The following FAM83D variants were observed in gnomAD, a reference collection of about 807,000 sequenced individuals.
FAM83D encodes the protein scaffolding CK1 anchoring protein D, also known as protein FAM83D.
A neutral mutation model predicts 25.4 loss-of-function variants in FAM83D; 26 were observed. That is an observed-to-expected ratio of 1.02 (90% CI 0.75 to 1.42). The LOEUF (loss-of-function observed/expected upper bound fraction) is 1.42. FAM83D is among the 40% of genes most tolerant of loss of function. The probability of loss-of-function intolerance (pLI) is 0.00; values close to 1 mark genes in which losing one functional copy is unlikely to be tolerated. For missense variants in FAM83D, 740 were observed against 758.1 expected (o/e 0.98, Z 0.28); for synonymous variants, 310 against 318.5 (o/e 0.97, Z 0.28).
At position 38,926,873 on chromosome 20, in the gene FAM83D, G is replaced by T; in HGVS notation, c.431G>T (p.Gly144Val). The change falls in exon 1 of 4, where the codon GGC (glycine) becomes GTC (valine). Residue 144 changes from glycine (G) to valine (V), a missense_variant. This residue lies in a region of FAM83D where 333 missense variants were observed against 298.6 expected (regional missense o/e 1.12). Transcript: ENST00000619850. ...HFQPRGAGEG[G>V]PYGCKDALRQ... ...CAGCCCCGCGGCGCTGGCGAAGGTG[G>T]CCCCTACGGCTGCAAGGACGCTCTG... 6.6e-7 allele frequency: 1 copy of T among 1,505,382 alleles called. No homozygotes were observed. The highest frequency in any genetic ancestry group is 8.8e-7 in the Non-Finnish European group (1 of 1,131,836). The allele number at this position is 1,505,382 out of a possible 1,614,324, so 93.3% of individuals were successfully genotyped here.
chr20:38,939,778 C>T (rs2085693780), intron 1 of FAM83D, among the ~76,000 whole-genome samples: 1 of 152,186 alleles, frequency 6.6e-6, no homozygotes, highest in Non-Finnish European at 1.5e-5. Context: ...CAGTGTGCAG[C>T]CCACAGCGTG....
Position 38,926,530 on chromosome 20 carries a change from G to C in FAM83D, c.88G>C (p.Glu30Gln). ...GCCCAACCCGACCGAGCTGTTCAGCGAGTCACGGCGCCTGGCTCTGGAGGA... is the reference window on the plus strand; with the variant it reads ...GCCCAACCCGACCGAGCTGTTCAGCCAGTCACGGCGCCTGGCTCTGGAGGA... Reference protein sequence around the residue: ...GPPNPTELFSESRRLALEELV... With the variant: ...GPPNPTELFSQSRRLALEELV... The change falls in exon 1 of 4, where the codon GAG becomes CAG. Residue 30 changes from glutamate (E) to glutamine (Q), a missense_variant. By Grantham distance (29) the Glu-to-Gln change is conservative. Around this residue, in one of 3 missense-constraint regions of FAM83D, gnomAD observed 333 missense variants for 298.6 expected, o/e 1.12. Coordinates refer to ENST00000619850, the MANE Select transcript of FAM83D (RefSeq NM_030919.3). 6.3e-7 allele frequency: 1 copy of C among 1,589,784 alleles called. No individual in the cohort carries two copies. The highest frequency in any genetic ancestry group is 8.5e-7 in the Non-Finnish European group (1 of 1,174,908).
intron 2 of FAM83D, among the ~76,000 whole-genome samples, chr20:38,944,534 A>G (rs2085717878): frequency 6.6e-6 from 1 of 152,186 alleles, no homozygotes; most frequent in Non-Finnish European, 1.5e-5. Context: ...TGGTCAAGTG[A>G]TTTTCTCTAT....
At chr20:38,949,208 C>T (rs2085742331) in intron 3 of FAM83D, among the ~76,000 whole-genome samples, 1 of 147,968 alleles carries the variant, frequency 6.8e-6, no homozygotes, top group Non-Finnish European at 1.5e-5. Flanking sequence ...GTTGCTCAGG[C>T]TGGAGTGCAG....
rs571029247 is a variant in FAM83D, at chr20:38,948,720, A to G, written c.776+720A>G. ...GGTGTGTCTGTAGAATTTTAAAAAG[A>G]AAACCCCATTTTTGAAGAAACACAC... On this transcript the variant is annotated intron_variant, in intron 3 of 3. Transcript: ENST00000619850. 1.7e-3 allele frequency among the ~76,000 whole-genome samples: 258 copies of G among 152,354 alleles called. 1 individual carries two copies. The highest frequency in any genetic ancestry group is 5.9e-3 in the African/African-American group (244 of 41,574).
rs2085754300 is a variant in FAM83D at position 38,951,607 on chromosome 20, A to ACTTTGAT, written c.848_854dup (p.Glu286Ter). ...ATTCTGTCTGGCCAAGTGGTTGAAC[A>ACTTTGAT]CTTTGATCTGGAGTTCCGAATCCTG... On this transcript the variant is annotated frameshift_variant, in exon 4 of 4. Transcript: ENST00000619850. LOFTEE classifies it low-confidence loss of function (END_TRUNC). 1 of 1,614,098 alleles carries ACTTTGAT rather than the reference A, an allele frequency of 6.2e-7. No individual in the cohort carries two copies. The highest frequency in any genetic ancestry group is 8.5e-7 in the Non-Finnish European group (1 of 1,180,054).
intron 1 of FAM83D, among the ~76,000 whole-genome samples, chr20:38,932,541 A>G (rs937178527): frequency 2.2e-4 from 33 of 152,228 alleles, no homozygotes; most frequent in African/African-American, 7.7e-4. Context: ...GTTTTTGGAT[A>G]ATCTTGAATT....
rs376744439 is a variant in FAM83D, at chr20:38,951,550, C to A, written c.788C>A (p.Thr263Lys). 2 of 1,611,770 alleles carry A rather than the reference C, an allele frequency of 1.2e-6. No individual in the cohort carries two copies. The highest frequency in any genetic ancestry group is 1.7e-6 in the Non-Finnish European group (2 of 1,178,800). ...TTTTAATCTTTAAGTTTTACATGGA[C>A]GGATGGCAAATTAAACAGCAGTAAC... Reference protein sequence around the residue: ...VATGSYSFTWTDGKLNSSNLV... With the variant: ...VATGSYSFTWKDGKLNSSNLV... The change falls in exon 4 of 4, where the codon ACG (threonine) becomes AAG (lysine). Residue 263 changes from threonine to lysine, a missense_variant. Physicochemically the swap from Thr to Lys is moderately conservative, Grantham distance 78 (BLOSUM62 -1). This residue lies in a region of FAM83D where 375 missense variants were observed against 403.2 expected (regional missense o/e 0.93). Transcript: ENST00000619850.
chr20:38,949,197 T>C (rs1474615663), intron 3 of FAM83D, among the ~76,000 whole-genome samples: 2 of 151,388 alleles, frequency 1.3e-5, no homozygotes, highest in African/African-American at 4.9e-5. Flanking sequence ...AGTCTTGCTC[T>C]GTTGCTCAGG....
At chr20:38,946,197 C>CAAAAAAAAAAA (rs56740383) in intron 2 of FAM83D, among the ~76,000 whole-genome samples, 2 of 78,556 alleles carry the variant, frequency 2.5e-5, no homozygotes, top group African/African-American at 4.3e-5. Flanking sequence ...GACTCCACCT[C>CAAAAAAAAAAA]AAAAAAAAAA....
chr20:38,952,627 CT>C lies in FAM83D; in HGVS notation c.*110del. The C allele has an allele frequency of 8.1e-7, 1 of 1,231,016 alleles. No individual in the cohort carries two copies. The highest frequency in any genetic ancestry group is 1.1e-6 in the Non-Finnish European group (1 of 879,220). The allele number at this position is 1,231,016 out of a possible 1,614,324, so 76.3% of individuals were successfully genotyped here. A position where few individuals can be genotyped will look rare whatever the true frequency, so the allele number is the denominator to read the frequency against. ...CCCTAATTGCCTTTCTTTTACCTGACTTTGTCACCTTTGTTGTCTTTGAATT... is the reference window on the plus strand; with the variant it reads ...CCCTAATTGCCTTTCTTTTACCTGACTTGTCACCTTTGTTGTCTTTGAATT... On this transcript the variant is annotated 3_prime_UTR_variant, in exon 4 of 4. Transcript: ENST00000619850.
chr20:38,929,250 C>T, intron 1 of FAM83D, among the ~76,000 whole-genome samples: 1 of 151,922 alleles, frequency 6.6e-6, no homozygotes, highest in East Asian at 1.9e-4. Context: ...TTTGCTTACT[C>T]ATTGCCTGCT....
intron 1 of FAM83D, among the ~76,000 whole-genome samples, chr20:38,927,498 CTTTTTTT>C (rs1173092369): frequency 3.0e-5 from 3 of 101,420 alleles, no homozygotes; most frequent in African/African-American, 1.2e-4. Context: ...TCTTTCTTGT[CTTTTTTT>C]TTTTTTTTTT....
chr20:38,938,486 AG>A (rs1359900632), intron 1 of FAM83D, among the ~76,000 whole-genome samples: 1 of 152,256 alleles, frequency 6.6e-6, no homozygotes, highest in Non-Finnish European at 1.5e-5. Context: ...AAGATTTGAA[AG>A]AAGAGTGGGA....
chr20:38,943,376 A>G (rs2085711641), intron 2 of FAM83D, among the ~76,000 whole-genome samples: 1 of 152,116 alleles, frequency 6.6e-6, no homozygotes, highest in Admixed American at 6.5e-5. Context: ...AGCAGCCCCT[A>G]TCAGGTAAGT....
intron 2 of FAM83D, among the ~76,000 whole-genome samples, chr20:38,943,499 T>C (rs1227022812): frequency 6.6e-6 from 1 of 152,214 alleles, no homozygotes; most frequent in Non-Finnish European, 1.5e-5. Context: ...AACCCCAGTG[T>C]CTGTAATCAC....
intron 2 of FAM83D, among the ~76,000 whole-genome samples, chr20:38,942,648 G>A (rs920701756): frequency 1.3e-5 from 2 of 152,176 alleles, no homozygotes; most frequent in Non-Finnish European, 2.9e-5. Context: ...TTGGGGGAAG[G>A]ACGGGATTAT....
Position 38,942,991 on chromosome 20 carries a change from G to A in FAM83D, c.651+865G>A, listed in dbSNP as rs2085709386. 5.3e-5 allele frequency among the ~76,000 whole-genome samples: 8 copies of A among 150,672 alleles called. No individual in the cohort carries two copies. The South Asian group carries it at 1.7e-3, about 32-fold the overall frequency. Reference sequence around the variant, plus strand: ...TTAATCACAGCAACCAGTATTTTTTGAGCCCCCACTCTGTCTTTGGCACTG... The same window carrying A: ...TTAATCACAGCAACCAGTATTTTTTAAGCCCCCACTCTGTCTTTGGCACTG... On this transcript the variant is annotated intron_variant, in intron 2 of 3. Coordinates refer to ENST00000619850, the MANE Select transcript of FAM83D (RefSeq NM_030919.3).
At chr20:38,950,769 G>A (rs1179881965) in intron 3 of FAM83D, among the ~76,000 whole-genome samples, 1 of 152,082 alleles carries the variant, frequency 6.6e-6, no homozygotes, top group Non-Finnish European at 1.5e-5. Flanking sequence ...CCTTTAAAAT[G>A]GGGATGCTGG....
Sources: allele counts gnomAD v4.1 joint callset (sites outside exome capture counted in the v4.1 genomes callset), GRCh38; gene constraint gnomAD v4.1.1; regional missense constraint gnomAD v4.1.1; transcripts MANE v1.5; gene names NCBI Gene and HGNC (gene_info 2026-07-23, HGNC 2026-07-21).